The following WWOX variants were observed in gnomAD, a reference collection of about 807,000 sequenced individuals.
WWOX encodes the protein WW domain containing oxidoreductase.
A neutral mutation model predicts 46.2 loss-of-function variants in WWOX; 69 were observed. That is an observed-to-expected ratio of 1.49 (90% CI 1.23 to 1.82). WWOX has a LOEUF of 1.82. Ranked by LOEUF, WWOX falls within the 40% of genes most tolerant of loss-of-function variation. WWOX has a pLI of 0.00. For missense variants in WWOX, 919 were observed against 542.6 expected, an observed-to-expected ratio of 1.69 and a Z score of -6.89; for synonymous variants, 359 against 202.6, an observed-to-expected ratio of 1.77 and a Z score of -6.56.
At chr16:79,136,666 C>G (rs1276822100) in intron 8 of WWOX, among the ~76,000 whole-genome samples, 2 of 152,168 alleles carry the variant, frequency 1.3e-5, no homozygotes, top group Non-Finnish European at 1.5e-5. Context: ...AGGGTGGGCA[C>G]CAGTTCCTCA....
intron 8 of WWOX, among the ~76,000 whole-genome samples, chr16:78,728,515 T>C (rs2048889662): frequency 6.6e-6 from 1 of 152,230 alleles, no homozygotes; most frequent in African/African-American, 2.4e-5. Flanking sequence ...TCTTGTGATA[T>C]CACATGGCAT....
At chr16:79,045,053 T>G (rs1458811267) in intron 8 of WWOX, among the ~76,000 whole-genome samples, 1 of 152,226 alleles carries the variant, frequency 6.6e-6, no homozygotes, top group Admixed American at 6.5e-5. Flanking sequence ...TCTGGAAAGA[T>G]CAGCTCTGCT....
At chr16:78,137,878 C>G (rs1458248141) in intron 4 of WWOX, among the ~76,000 whole-genome samples, 2 of 144,502 alleles carry the variant, frequency 1.4e-5, no homozygotes, top group Non-Finnish European at 1.5e-5. Flanking sequence ...TATATGAAAG[C>G]AGGTCTTTTT....
chr16:78,569,834 C>G (rs939133548), intron 8 of WWOX, among the ~76,000 whole-genome samples: 3 of 152,168 alleles, frequency 2.0e-5, no homozygotes, highest in Admixed American at 2.0e-4. Context: ...AAACCATATT[C>G]GTAATATGAT....
chr16:78,947,334 C>G (rs950572203), intron 8 of WWOX, among the ~76,000 whole-genome samples: 2 of 152,086 alleles, frequency 1.3e-5, no homozygotes, highest in African/African-American at 2.4e-5. Flanking sequence ...GCTTCAAACA[C>G]CATTTTTTAA....
At chr16:78,717,941 T>G (rs2048604393) in intron 8 of WWOX, among the ~76,000 whole-genome samples, 1 of 152,098 alleles carries the variant, frequency 6.6e-6, no homozygotes, top group South Asian at 2.1e-4. Context: ...TTATTGTAAA[T>G]GGATCCACTT....
At chr16:78,568,975 A>T (rs1439400178) in intron 8 of WWOX, among the ~76,000 whole-genome samples, 1 of 152,218 alleles carries the variant, frequency 6.6e-6, no homozygotes, top group Admixed American at 6.5e-5. Context: ...ACAGATGAGT[A>T]ACCTACTCTG....
At chr16:78,549,176 G>C (rs1332156309) in intron 8 of WWOX, among the ~76,000 whole-genome samples, 1 of 152,164 alleles carries the variant, frequency 6.6e-6, no homozygotes, top group East Asian at 1.9e-4. Context: ...CGGTCGTAAA[G>C]GAGGGACAAT....
At chr16:79,013,233 C>G (rs12598091) in intron 8 of WWOX, among the ~76,000 whole-genome samples, 36,160 of 152,010 alleles carry the variant, frequency 0.24, 4,953 homozygotes, top group East Asian at 0.61. Context: ...TCTGTGCATC[C>G]TCCCACAGGG....
chr16:78,948,145 A>T (rs2045984653), intron 8 of WWOX, among the ~76,000 whole-genome samples: 1 of 152,226 alleles, frequency 6.6e-6, no homozygotes, highest in African/African-American at 2.4e-5. Flanking sequence ...TAAGTTGCTC[A>T]GAATGAGACA....
chr16:78,887,571 C>T (rs1348305279), intron 8 of WWOX, among the ~76,000 whole-genome samples: 3 of 151,346 alleles, frequency 2.0e-5, no homozygotes, highest in Non-Finnish European at 4.4e-5. Context: ...GAATCATTTT[C>T]TTCGGGAGTT....
At chr16:78,215,653 C>T (rs1369732665) in intron 5 of WWOX, among the ~76,000 whole-genome samples, 2 of 152,200 alleles carry the variant, frequency 1.3e-5, no homozygotes, top group South Asian at 2.1e-4. Flanking sequence ...ACAGGTTGGG[C>T]ACGGTGGCTC....
chr16:78,988,576 C>A (rs113025008), intron 8 of WWOX, among the ~76,000 whole-genome samples: 1 of 152,018 alleles, frequency 6.6e-6, no homozygotes, highest in African/African-American at 2.4e-5. Context: ...TAAACATCCC[C>A]GCCCCTTCAA....
At chr16:78,229,795 A>G (rs1027952103) in intron 5 of WWOX, among the ~76,000 whole-genome samples, 2 of 152,004 alleles carry the variant, frequency 1.3e-5, no homozygotes, top group Admixed American at 6.6e-5. Flanking sequence ...TTCTTTCTGA[A>G]TTCTATTAGT....
chr16:78,211,955 T>A (rs942553861), intron 5 of WWOX, among the ~76,000 whole-genome samples: 2 of 152,238 alleles, frequency 1.3e-5, no homozygotes, highest in African/African-American at 4.8e-5. Context: ...CATGTTAACA[T>A]CCTGGTAGCT....
chr16:78,708,975 T>G (rs2048381399), intron 8 of WWOX, among the ~76,000 whole-genome samples: 1 of 152,142 alleles, frequency 6.6e-6, no homozygotes, highest in African/African-American at 2.4e-5. Flanking sequence ...CACATCCATT[T>G]TGCCCTAGAA....
chr16:78,766,060 C>T (rs770251903), intron 8 of WWOX, among the ~76,000 whole-genome samples: 3 of 152,216 alleles, frequency 2.0e-5, no homozygotes, highest in Non-Finnish European at 1.5e-5. Context: ...ATGACATGAG[C>T]AGTTCCAAAG....
At chr16:78,774,572 C>G (rs1038920127) in intron 8 of WWOX, among the ~76,000 whole-genome samples, 2 of 151,920 alleles carry the variant, frequency 1.3e-5, no homozygotes, top group Non-Finnish European at 2.9e-5. Context: ...GTCCCCCTCC[C>G]CCCCCACACA....
At chr16:78,378,465 A>G (rs917083708) in intron 5 of WWOX, among the ~76,000 whole-genome samples, 4 of 152,180 alleles carry the variant, frequency 2.6e-5, no homozygotes, top group Non-Finnish European at 4.4e-5. Flanking sequence ...TGAAGATGCG[A>G]TCACCCATTG....
Sources: allele counts gnomAD v4.1 joint callset (sites outside exome capture counted in the v4.1 genomes callset), GRCh38; gene constraint gnomAD v4.1.1; transcripts MANE v1.5; gene names NCBI Gene and HGNC (gene_info 2026-07-23, HGNC 2026-07-21).